REPS1: variants seen among roughly 807,000 people sequenced by gnomAD.
The protein encoded by REPS1 is ralBP1-associated Eps domain-containing protein 1.
A neutral mutation model predicts 100.9 loss-of-function variants in REPS1; 39 were observed. That is an observed-to-expected ratio of 0.39 (90% confidence interval 0.30 to 0.50). The LOEUF (loss-of-function observed/expected upper bound fraction) is 0.50. Ranked by LOEUF, REPS1 falls within the 20% of genes least tolerant of loss-of-function variation. The probability of loss-of-function intolerance (pLI) is 0.86; values close to 1 mark genes in which losing one functional copy is unlikely to be tolerated. For synonymous variants in REPS1, 324 were observed against 340.3 expected (o/e 0.95, Z 0.53); for missense variants, 821 against 968.5 (o/e 0.85, Z 2.02).
At chr6:138,975,357 A>G (rs1395421709) in intron 1 of REPS1, among the ~76,000 whole-genome samples, 3 of 152,204 alleles carry the variant, frequency 2.0e-5, no homozygotes, top group South Asian at 2.1e-4. Context: ...GGGCAAAACA[A>G]AAGGCTTACT....
intron 10 of REPS1, among the ~76,000 whole-genome samples, chr6:138,922,588 C>CT: frequency 6.6e-6 from 1 of 152,254 alleles, no homozygotes; most frequent in Non-Finnish European, 1.5e-5. Context: ...TAGGCCTGAT[C>CT]TTAGGGACTG....
At chr6:138,905,165 A>G in intron 19 of REPS1, 33 bp from the exon 20 acceptor site, 1 of 1,349,502 alleles carries the variant, frequency 7.4e-7, no homozygotes, top group South Asian at 1.2e-5. Flanking sequence ...GTTATGTTTC[A>G]AAGTATATAA....
At chr6:138,976,190 A>G (rs1052043073) in intron 1 of REPS1, among the ~76,000 whole-genome samples, 5 of 152,214 alleles carry the variant, frequency 3.3e-5, no homozygotes, top group African/African-American at 4.8e-5. Flanking sequence ...AAAAACTAGT[A>G]TACTCTTAGT....
rs1311677736 is a variant in REPS1, at chr6:138,920,221, T to C, written c.1522A>G (p.Thr508Ala). The C allele has an allele frequency of 6.5e-7, 1 of 1,528,358 alleles. No individual in the cohort carries two copies. Among genetic ancestry groups the C allele is most frequent in the Non-Finnish European group, 9.1e-7 (1 of 1,102,068 alleles). The allele number at this position is 1,528,358 out of a possible 1,614,324, so 94.7% of individuals were successfully genotyped here. The part of the protein sequence containing the change: ...NSSVKFASGN[T>A]VADGYSSSDS... ...GATGTAATACTTCACTTACCTACAG[T>C]ATTACCAGAAGCGAATTTCACCGAT... The change falls in exon 12 of 20, where the codon ACT (threonine) becomes GCT (alanine). Residue 508 changes from threonine (T) to alanine (A), a missense_variant. Physicochemically the swap from Thr to Ala is moderately conservative, Grantham distance 58. Transcript: ENST00000450536.
chr6:138,931,091 A>G (rs764115862), intron 8 of REPS1, among the ~76,000 whole-genome samples: 10 of 152,170 alleles, frequency 6.6e-5, no homozygotes, highest in Non-Finnish European at 1.5e-4. Context: ...CATATCAAAA[A>G]TATCATTACA....
At chr6:138,966,338 A>G (rs1323443750) in intron 1 of REPS1, among the ~76,000 whole-genome samples, 1 of 152,216 alleles carries the variant, frequency 6.6e-6, no homozygotes, top group African/African-American at 2.4e-5. Context: ...TATGATAAAG[A>G]GAAACCCATT....
chr6:138,984,078 C>CTTTTTTTTTTTTTTTTTTT (rs748774209), intron 1 of REPS1, among the ~76,000 whole-genome samples: 1 of 134,448 alleles, frequency 7.4e-6, no homozygotes. Context: ...CTCTCTCTCT[C>CTTTTTTTTTTTTTTTTTTT]TTTTTTTTTT....
In REPS1 at chr6:138,941,350, A is replaced by G. The variant is rs1218429821; in HGVS notation, c.1120T>C (p.Leu374=). ...PESLMPKLID[L]EDSADVGDQP... is the part of the protein sequence containing the mutation. ...CCAATCTTACCTGCTGAATCTTCCA[A>G]ATCAATCAGTTTGGGCATTAAGCTT... Residue 374 remains leucine (L), a synonymous_variant, in exon 8 of 20, where the codon TTG becomes CTG. Coordinates refer to ENST00000450536, the MANE Select transcript of REPS1 (RefSeq NM_001286611.2). The G allele has an allele frequency of 2.5e-6, 4 of 1,613,940 alleles. No homozygotes were observed. Among genetic ancestry groups the G allele is most frequent in the Non-Finnish European group, 3.4e-6 (4 of 1,179,992 alleles).
intron 1 of REPS1, among the ~76,000 whole-genome samples, chr6:138,969,451 ATTTT>A (rs1297090821): frequency 7.5e-6 from 1 of 133,136 alleles, no homozygotes; most frequent in Non-Finnish European, 1.6e-5. Context: ...CAGCTGGCCA[ATTTT>A]TTTTTTTTTT....
chr6:138,944,507 A>C lies in REPS1; in HGVS notation c.744T>G (p.Ala248=). 4 of 1,613,998 alleles carry C rather than the reference A, an allele frequency of 2.5e-6. No individual in the cohort carries two copies. Among genetic ancestry groups the C allele is most frequent in the Non-Finnish European group, 3.4e-6 (4 of 1,179,896 alleles). The part of the protein sequence containing the change: ...PTSTLLTMHP[A]SVQDQTTVRT... ...CAATAAAATGTCACACCTGGACAGAAGCAGGATGCATGGTTAAAAGAGTAC... is the reference window on the plus strand; with the variant it reads ...CAATAAAATGTCACACCTGGACAGACGCAGGATGCATGGTTAAAAGAGTAC... Residue 248 remains alanine, a synonymous_variant, in exon 5 of 20, where the codon GCT becomes GCG. Coordinates refer to ENST00000450536, the MANE Select transcript of REPS1 (RefSeq NM_001286611.2).
intron 1 of REPS1, among the ~76,000 whole-genome samples, chr6:138,950,300 C>A (rs564224122): frequency 6.6e-6 from 1 of 152,058 alleles, no homozygotes; most frequent in East Asian, 1.9e-4. Context: ...ATGGTGAGAT[C>A]TCATCTATAC....
chr6:138,952,028 A>AT (rs1270374682), intron 1 of REPS1, among the ~76,000 whole-genome samples: 4 of 152,180 alleles, frequency 2.6e-5, no homozygotes, highest in Non-Finnish European at 1.5e-5. Context: ...CACCAAGGAA[A>AT]TCTAAATCAC....
chr6:138,932,466 C>T (rs991480925), intron 8 of REPS1, among the ~76,000 whole-genome samples: 1 of 151,098 alleles, frequency 6.6e-6, no homozygotes, highest in Non-Finnish European at 1.5e-5. Context: ...CTTACCCCCC[C>T]CCACATACAT....
At chr6:138,975,297 C>G (rs9376391) in intron 1 of REPS1, among the ~76,000 whole-genome samples, 96,662 of 152,044 alleles carry the variant, frequency 0.64, 32,546 homozygotes, top group East Asian at 0.87. Flanking sequence ...TCCTCTAGTG[C>G]TAAACTTCAC....
At chr6:138,962,059 G>C (rs1291702041) in intron 1 of REPS1, among the ~76,000 whole-genome samples, 7 of 152,196 alleles carry the variant, frequency 4.6e-5, no homozygotes. Flanking sequence ...TCAAGTGCTA[G>C]TGTGGAGTCA....
chr6:138,926,825 C>G (rs1781160825), intron 9 of REPS1: 1 of 169,206 alleles, frequency 5.9e-6, no homozygotes, highest in Non-Finnish European at 1.3e-5. Flanking sequence ...CATGCCTTGA[C>G]TAAAGAAAGA....
intron 8 of REPS1, among the ~76,000 whole-genome samples, chr6:138,939,185 T>A (rs1361018354): frequency 6.6e-6 from 1 of 152,200 alleles, no homozygotes; most frequent in Non-Finnish European, 1.5e-5. Context: ...AATATATCAT[T>A]TGTAAATATG....
In REPS1 at chr6:138,945,294, G is replaced by C; in HGVS notation, c.553C>G (p.Pro185Ala). 6.2e-7 allele frequency: 1 copy of C among 1,612,028 alleles called. No homozygotes were observed. Among genetic ancestry groups the C allele is most frequent in the African/African-American group, 1.3e-5 (1 of 74,992 alleles). Residue 185 changes from proline (P) to alanine (A), a missense_variant, in exon 4 of 20, where the codon CCC (proline) becomes GCC (alanine). Physicochemically the swap from Pro to Ala is conservative, Grantham distance 27. Around this residue, in one of 3 missense-constraint regions of REPS1, gnomAD observed 757 missense variants for 866.4 expected, o/e 0.87. Transcript: ENST00000450536. Reference protein sequence around the residue: ...PHTWRKHSRHPSGGNSERPLA... With the variant: ...PHTWRKHSRHASGGNSERPLA... Reference sequence around the variant, plus strand: ...GGCCTCTCACTATTCCCACCGCTGGGATGACGGCTGTGCTTCCTCCATGTG... The same window carrying C: ...GGCCTCTCACTATTCCCACCGCTGGCATGACGGCTGTGCTTCCTCCATGTG...
intron 8 of REPS1, among the ~76,000 whole-genome samples, 181 bp downstream of exon 8, chr6:138,941,154 G>T (rs1225598484): frequency 2.0e-5 from 3 of 152,128 alleles, no homozygotes; most frequent in Non-Finnish European, 2.9e-5. Context: ...TTTAAAAATA[G>T]ACTGAATAAG....
Sources: gnomAD v4.1 joint callset for allele counts (sites outside exome capture counted in the v4.1 genomes callset) on GRCh38, gnomAD v4.1.1 for gene constraint, gnomAD v4.1.1 regional missense constraint, MANE v1.5 for transcripts, NCBI Gene and HGNC (gene_info 2026-07-23, HGNC 2026-07-21) for gene names.